Variants in GUCY2F observed in about 807,000 individuals in gnomAD.
GUCY2F encodes retinal guanylyl cyclase 2.
GUCY2F carries 61 observed loss-of-function variants against 73.1 expected under a neutral mutation model. The observed-to-expected ratio is 0.83, with a 90% CI of 0.68 to 1.03. The LOEUF is 1.03. Ranked by LOEUF, GUCY2F falls within the 50% of genes least tolerant of loss-of-function variation. GUCY2F has a pLI of 0.00. For missense variants in GUCY2F, 912 were observed against 854.3 expected, an observed-to-expected ratio of 1.07 and a Z score of -0.84; for synonymous variants, 331 against 307.8, an observed-to-expected ratio of 1.08 and a Z score of -0.79.
chrX:109,437,683 G>A (rs1207755947), intron 7 of GUCY2F, among the ~76,000 whole-genome samples: 1 of 112,891 alleles, frequency 8.9e-6, no homozygotes, highest in Non-Finnish European at 1.9e-5. Flanking sequence ...ATTGCTGAGG[G>A]TGGGGCCTGG....
chrX:109,462,299 T>C (rs1932378663), intron 3 of GUCY2F, among the ~76,000 whole-genome samples: 1 of 113,233 alleles, frequency 8.8e-6, no homozygotes, highest in Admixed American at 9.3e-5. Flanking sequence ...AGTGAGAGCT[T>C]AACATGCAGT....
At chrX:109,426,470 G>C (rs1038363258) in intron 8 of GUCY2F, among the ~76,000 whole-genome samples, 3 of 112,110 alleles carry the variant, frequency 2.7e-5, no homozygotes, top group Non-Finnish European at 5.6e-5. Context: ...CTCACTGCAA[G>C]CTCCGCCTCC....
chrX:109,384,333 T>C (rs1174507633), intron 16 of GUCY2F, among the ~76,000 whole-genome samples: 1 of 112,262 alleles, frequency 8.9e-6, no homozygotes, highest in Non-Finnish European at 1.9e-5. Flanking sequence ...TGGTACAAAA[T>C]CCATGAAAAA....
At chrX:109,463,627 T>C (rs1214876173) in intron 3 of GUCY2F, among the ~76,000 whole-genome samples, 1 of 109,899 alleles carries the variant, frequency 9.1e-6, no homozygotes, top group Non-Finnish European at 1.9e-5. Flanking sequence ...TTAGTAGAGA[T>C]GGGGTTTCAC....
chrX:109,388,456 A>C, intron 15 of GUCY2F, 33 bp downstream of exon 15: 1 of 1,088,659 alleles, frequency 9.2e-7, no homozygotes, highest in Non-Finnish European at 1.3e-6. Flanking sequence ...GAGGCGCATT[A>C]GAATGTTTCC....
chrX:109,436,446 A>G (rs1931747371), intron 7 of GUCY2F, among the ~76,000 whole-genome samples: 1 of 111,486 alleles, frequency 9.0e-6, no homozygotes, highest in Admixed American at 9.5e-5. Flanking sequence ...TATATACCCA[A>G]AGGATTATAA....
intron 7 of GUCY2F, among the ~76,000 whole-genome samples, chrX:109,438,599 C>G (rs1931805598): frequency 8.8e-6 from 1 of 113,109 alleles, no homozygotes; most frequent in African/African-American, 3.2e-5. Context: ...ATCTTTGACT[C>G]CATGTTCCAA....
intron 3 of GUCY2F, among the ~76,000 whole-genome samples, chrX:109,463,499 G>A (rs1460221941): frequency 4.0e-5 from 4 of 101,120 alleles, no homozygotes; most frequent in South Asian, 4.8e-4. Flanking sequence ...GTGCAGTGGC[G>A]CCATCTCCGC....
intron 9 of GUCY2F, among the ~76,000 whole-genome samples, chrX:109,408,553 C>T (rs1222247957): frequency 8.9e-6 from 1 of 112,065 alleles, no homozygotes; most frequent in Non-Finnish European, 1.9e-5. Context: ...GTGTCCCCAC[C>T]CAAATCTCAA....
At chrX:109,402,375 TG>T (rs1172178609) in intron 10 of GUCY2F, among the ~76,000 whole-genome samples, 2 of 101,257 alleles carry the variant, frequency 2.0e-5, no homozygotes, top group African/African-American at 8.9e-5. Flanking sequence ...CTAGGCGTTT[TG>T]TTTTTTTTTT....
chrX:109,390,515 T>G (rs1206085482), intron 14 of GUCY2F, among the ~76,000 whole-genome samples: 1 of 112,056 alleles, frequency 8.9e-6, no homozygotes, highest in Non-Finnish European at 1.9e-5. Flanking sequence ...ATTTTTGGAT[T>G]TATATAGCCC....
intron 2 of GUCY2F, among the ~76,000 whole-genome samples, chrX:109,473,255 C>T (rs1450083837): frequency 8.9e-6 from 1 of 111,903 alleles, no homozygotes; most frequent in Non-Finnish European, 1.9e-5. Context: ...GCTCCATAAC[C>T]ATCCTCTCTG....
intron 9 of GUCY2F, among the ~76,000 whole-genome samples, chrX:109,406,028 G>A (rs1313688324): frequency 1.8e-5 from 2 of 111,598 alleles, no homozygotes; most frequent in African/African-American, 6.5e-5. Flanking sequence ...AAAAGGATTA[G>A]GCTAGCAGAA....
chrX:109,461,822 T>C (rs1370591142), intron 3 of GUCY2F, among the ~76,000 whole-genome samples: 2 of 112,318 alleles, frequency 1.8e-5, no homozygotes. Flanking sequence ...GTCTGTCTTG[T>C]ATAGTGTTCT....
At chrX:109,412,049 A>T (rs756507853) in intron 8 of GUCY2F, among the ~76,000 whole-genome samples, 1 of 112,231 alleles carries the variant, frequency 8.9e-6, no homozygotes, top group Non-Finnish European at 1.9e-5. Flanking sequence ...GTCAGGTAAG[A>T]TGAAGAAAAG....
intron 1 of GUCY2F, 73 bp from the exon 2 acceptor site, chrX:109,476,094 ATGG>A: frequency 2.7e-6 from 1 of 368,692 alleles, no homozygotes; most frequent in Non-Finnish European, 4.2e-6. Context: ...TTGTGAAAGA[ATGG>A]CAAAAAAAAA....
chrX:109,473,612 G>A (rs1932618682), intron 2 of GUCY2F, among the ~76,000 whole-genome samples: 1 of 111,300 alleles, frequency 9.0e-6, no homozygotes, highest in Non-Finnish European at 1.9e-5. Context: ...ATCTCTAATG[G>A]TAGGGCAATA....
chrX:109,464,197 T>C (rs1050014197), intron 3 of GUCY2F, among the ~76,000 whole-genome samples: 23 of 111,376 alleles, frequency 2.1e-4, no homozygotes, highest in Admixed American at 6.7e-4. Context: ...TGTCTCCCCA[T>C]CTTCCTCTCA....
intron 7 of GUCY2F, among the ~76,000 whole-genome samples, chrX:109,438,465 TA>T (rs1410822590): frequency 1.8e-5 from 2 of 112,999 alleles, no homozygotes; most frequent in East Asian, 2.8e-4. Context: ...AATGTTGGGA[TA>T]TGCACAAGAT....
Sources: allele counts gnomAD v4.1 joint callset (sites outside exome capture counted in the v4.1 genomes callset), GRCh38; gene constraint gnomAD v4.1.1; transcripts MANE v1.5; gene names NCBI Gene and HGNC (gene_info 2026-07-23, HGNC 2026-07-21).